The following MAN1A1 variants were observed in gnomAD, a reference collection of about 807,000 sequenced individuals.
MAN1A1 encodes the protein mannosidase alpha class 1A member 1, also known as mannosyl-oligosaccharide 1,2-alpha-mannosidase IA.
MAN1A1 carries 29 observed loss-of-function variants against 70.8 expected under a neutral mutation model. The observed-to-expected ratio is 0.41, with a 90% CI of 0.31 to 0.56. MAN1A1 has a LOEUF of 0.56. Among genes scored for constraint, MAN1A1 ranks in the 20% least tolerant of loss-of-function variants. The pLI is 0.29. For synonymous variants in MAN1A1, 349 were observed against 330.1 expected (o/e 1.06, Z -0.62); for missense variants, 747 against 841.3 (o/e 0.89, Z 1.39).
chr6:119,244,488 A>G (rs1282973334), intron 6 of MAN1A1, among the ~76,000 whole-genome samples: 1 of 152,118 alleles, frequency 6.6e-6, no homozygotes, highest in Admixed American at 6.6e-5. Context: ...AATCTATTGA[A>G]TTAAGAATTC....
chr6:119,279,228 C>T (rs1762697732), intron 5 of MAN1A1, among the ~76,000 whole-genome samples: 3 of 152,160 alleles, frequency 2.0e-5, no homozygotes, highest in Admixed American at 1.3e-4. Flanking sequence ...TCAGCTAAAC[C>T]TCAAGCAATT....
intron 5 of MAN1A1, among the ~76,000 whole-genome samples, chr6:119,279,838 C>T (rs562914365): frequency 6.6e-6 from 1 of 152,204 alleles, no homozygotes; most frequent in Non-Finnish European, 1.5e-5. Context: ...ACCACCTTCT[C>T]TTCTTCAATC....
intron 2 of MAN1A1, among the ~76,000 whole-genome samples, chr6:119,307,847 A>G (rs1265568361): frequency 6.6e-6 from 1 of 152,212 alleles, no homozygotes; most frequent in Non-Finnish European, 1.5e-5. Flanking sequence ...CATATTTTAG[A>G]GTATCTTAAA....
At chr6:119,246,458 G>T (rs751373694) in intron 6 of MAN1A1, among the ~76,000 whole-genome samples, 7 of 152,074 alleles carry the variant, frequency 4.6e-5, no homozygotes, top group African/African-American at 7.2e-5. Context: ...ACCCCAAAAT[G>T]TTCACAAAGT....
intron 6 of MAN1A1, among the ~76,000 whole-genome samples, chr6:119,229,394 C>G (rs985950023): frequency 2.6e-5 from 4 of 152,070 alleles, no homozygotes; most frequent in African/African-American, 9.7e-5. Flanking sequence ...GTAATGAAAC[C>G]TTTTAAATCC....
intron 5 of MAN1A1, among the ~76,000 whole-genome samples, chr6:119,284,493 GA>G (rs1199538225): frequency 6.6e-6 from 1 of 152,186 alleles, no homozygotes; most frequent in East Asian, 1.9e-4. Context: ...AAGGGGCAGA[GA>G]AAGCTTTATC....
intron 6 of MAN1A1, among the ~76,000 whole-genome samples, chr6:119,244,783 G>C (rs540981142): frequency 3.4e-4 from 52 of 152,190 alleles, no homozygotes; most frequent in Non-Finnish European, 6.2e-4. Context: ...TTACATGTGT[G>C]AGTGTGTAAC....
chr6:119,245,296 T>C (rs1407083540), intron 6 of MAN1A1, among the ~76,000 whole-genome samples: 1 of 152,134 alleles, frequency 6.6e-6, no homozygotes, highest in African/African-American at 2.4e-5. Context: ...TTTTGCCAGA[T>C]ATATGTTTCC....
chr6:119,272,287 T>C (rs553205570), intron 5 of MAN1A1, among the ~76,000 whole-genome samples: 5 of 152,240 alleles, frequency 3.3e-5, no homozygotes, highest in South Asian at 2.1e-4. Flanking sequence ...TCCGTTTTAA[T>C]AGTCACCTCT....
chr6:119,346,767 T>C (rs1034288844), intron 2 of MAN1A1, among the ~76,000 whole-genome samples: 1 of 152,224 alleles, frequency 6.6e-6, no homozygotes, highest in Non-Finnish European at 1.5e-5. Flanking sequence ...CTCGGACAAC[T>C]GTGATTTTTG....
At chr6:119,235,303 A>G (rs1344474381) in intron 6 of MAN1A1, among the ~76,000 whole-genome samples, 1 of 152,224 alleles carries the variant, frequency 6.6e-6, no homozygotes, top group African/African-American at 2.4e-5. Context: ...CTTGTGCCAA[A>G]CAGTTAAAGG....
chr6:119,179,694 A>G lies in MAN1A1; in HGVS notation c.*125T>C, dbSNP rs1773095682. ...ATGATAATAAACATAAAAGACTGCA[A>G]AACAATTTAAGAACTTAATCACAGA... On this transcript the variant is annotated 3_prime_UTR_variant, in exon 13 of 13. Transcript: ENST00000368468. 2.3e-6 allele frequency: 2 copies of G among 877,556 alleles called. No homozygotes were observed. The highest frequency in any genetic ancestry group is 1.7e-5 in the African/African-American group (1 of 58,920). The allele number at this position is 877,556 out of a possible 1,614,324, so 54.4% of individuals were successfully genotyped here.
chr6:119,205,764 T>A (rs541930228), intron 6 of MAN1A1, among the ~76,000 whole-genome samples: 1 of 152,336 alleles, frequency 6.6e-6, no homozygotes, highest in African/African-American at 2.4e-5. Flanking sequence ...CCTAATAAAT[T>A]CCCTTTCTGA....
chr6:119,204,995 TCCA>T, intron 6 of MAN1A1, 113 bp from the exon 7 acceptor site: 1 of 1,064,904 alleles, frequency 9.4e-7, no homozygotes. Flanking sequence ...TAGCTAATAG[TCCA>T]CTCTAGATAT....
At chr6:119,322,066 T>C (rs748113319) in intron 2 of MAN1A1, among the ~76,000 whole-genome samples, 37 of 152,128 alleles carry the variant, frequency 2.4e-4, no homozygotes, top group Admixed American at 3.9e-4. Flanking sequence ...AGAGATTCAG[T>C]TGGGCAGCAG....
chr6:119,296,922 A>G (rs939511928), intron 4 of MAN1A1, among the ~76,000 whole-genome samples: 1 of 152,224 alleles, frequency 6.6e-6, no homozygotes, highest in Admixed American at 6.5e-5. Context: ...ACTGCAGTCC[A>G]GAAATACAGC....
intron 5 of MAN1A1, among the ~76,000 whole-genome samples, chr6:119,278,155 A>G (rs1039791083): frequency 1.7e-4 from 26 of 151,958 alleles, no homozygotes; most frequent in African/African-American, 5.6e-4. Flanking sequence ...TGAAAAAACA[A>G]AACAAAACAA....
At chr6:119,259,307 A>G (rs1775543509) in intron 5 of MAN1A1, among the ~76,000 whole-genome samples, 1 of 152,196 alleles carries the variant, frequency 6.6e-6, no homozygotes, top group South Asian at 2.1e-4. Flanking sequence ...AAGCTTCAGG[A>G]CATGGTCCCT....
rs913062941 is a variant in MAN1A1 at position 119,177,233 on chromosome 6, T to C, written c.*2586A>G. 1 of 152,066 alleles carries C rather than the reference T, an allele frequency of 6.6e-6. No homozygotes were observed. The highest frequency in any genetic ancestry group is 1.5e-5 in the Non-Finnish European group (1 of 67,954). The allele number at this position is 152,066 out of a possible 1,614,324, so 9.4% of individuals were successfully genotyped here. A position where few individuals can be genotyped will look rare whatever the true frequency, so the allele number is the denominator to read the frequency against. On this transcript the variant is annotated 3_prime_UTR_variant, in exon 13 of 13. Transcript: ENST00000368468. The stretch of plus-strand genomic sequence containing the variant: ...ATATATTAAAAGACTTTATTCACAA[T>C]AGAGAAATTTTACAAATATAATTTT...
Sources: allele counts gnomAD v4.1 joint callset (sites outside exome capture counted in the v4.1 genomes callset), GRCh38; gene constraint gnomAD v4.1.1; transcripts MANE v1.5; gene names NCBI Gene and HGNC (gene_info 2026-07-23, HGNC 2026-07-21).